Variants in ANO4 observed in about 807,000 individuals in gnomAD.
The protein encoded by ANO4 is anoctamin-4.
Under a neutral mutation model 141.9 loss-of-function variants are expected in ANO4, and 69 were observed. The ratio of observed to expected loss-of-function variants is 0.49; its 90% CI spans 0.40 to 0.59. ANO4 has a LOEUF of 0.59. ANO4 is among the 20% of genes least tolerant of loss of function. The pLI is 0.00. For missense variants in ANO4, 894 were observed against 1,162.2 expected (o/e 0.77, Z 3.36); for synonymous variants, 350 against 394.3 (o/e 0.89, Z 1.33).
At chr12:101,072,758 T>G (rs1163594962) in intron 14 of ANO4, among the ~76,000 whole-genome samples, 1 of 150,588 alleles carries the variant, frequency 6.6e-6, no homozygotes, top group Non-Finnish European at 1.5e-5. Flanking sequence ...AAAAAAAACA[T>G]CAAAAAGTGG....
intron 1 of ANO4, among the ~76,000 whole-genome samples, chr12:100,722,748 G>A (rs566106532): frequency 7.6e-4 from 115 of 152,310 alleles, no homozygotes; most frequent in Admixed American, 1.3e-3. Flanking sequence ...CAGTACTTGG[G>A]TGTGTGACTG....
chr12:101,094,436 G>C lies in ANO4; in HGVS notation c.1738+144G>C, dbSNP rs193250322. On this transcript the variant is annotated intron_variant, in intron 18 of 27. Coordinates refer to ENST00000392977, the MANE Select transcript of ANO4 (RefSeq NM_001286615.2). ...ACAAGTTTTTTCTTTGCCTTCAACA[G>C]AATAATTTAAATATGTCTAGTAATT... 6.1e-5 allele frequency: 34 copies of C among 556,238 alleles called. No homozygotes were observed. The East Asian group carries it at 1.1e-3, about 18-fold the overall frequency. 34.5% of individuals were successfully genotyped at this position (556,238 alleles called of 1,614,324 possible).
intron 9 of ANO4, among the ~76,000 whole-genome samples, chr12:101,034,315 G>A (rs950738967): frequency 6.6e-6 from 1 of 152,080 alleles, no homozygotes; most frequent in Non-Finnish European, 1.5e-5. Context: ...TCCATAAAAA[G>A]GAATGAGATT....
At chr12:100,729,880 C>A (rs1216065447) in intron 1 of ANO4, among the ~76,000 whole-genome samples, 2 of 152,212 alleles carry the variant, frequency 1.3e-5, no homozygotes, top group African/African-American at 2.4e-5. Flanking sequence ...AGGCTTGATT[C>A]AAATTGCCAT....
chr12:100,899,415 A>G (rs1018964590), intron 1 of ANO4, among the ~76,000 whole-genome samples: 1 of 152,234 alleles, frequency 6.6e-6, no homozygotes, highest in African/African-American at 2.4e-5. Flanking sequence ...TCCATAGGTT[A>G]TCCGGTGAGC....
intron 17 of ANO4, among the ~76,000 whole-genome samples, chr12:101,091,981 A>G (rs1394617662): frequency 6.6e-6 from 1 of 152,122 alleles, no homozygotes; most frequent in Non-Finnish European, 1.5e-5. Flanking sequence ...AAAAATAAAT[A>G]TTTCAAAGAT....
At chr12:101,010,562 G>C (rs1050144433) in intron 8 of ANO4, among the ~76,000 whole-genome samples, 2 of 152,084 alleles carry the variant, frequency 1.3e-5, no homozygotes, top group Admixed American at 6.6e-5. Flanking sequence ...AGTTGCCTAA[G>C]GCCCAGAAAA....
intron 26 of ANO4, among the ~76,000 whole-genome samples, chr12:101,123,298 CTTG>C (rs1013854289): frequency 9.2e-5 from 14 of 152,162 alleles, no homozygotes; most frequent in South Asian, 2.1e-4. Context: ...GACAAAACTT[CTTG>C]TTGTTTGTTT....
At chr12:101,092,216 A>G (rs1014966160) in intron 17 of ANO4, among the ~76,000 whole-genome samples, 1 of 151,928 alleles carries the variant, frequency 6.6e-6, no homozygotes, top group Non-Finnish European at 1.5e-5. Context: ...AACACATCTC[A>G]TCTTCCAAAA....
intron 3 of ANO4, among the ~76,000 whole-genome samples, chr12:100,934,622 G>C (rs553294215): frequency 6.6e-6 from 1 of 151,960 alleles, no homozygotes; most frequent in African/African-American, 2.4e-5. Flanking sequence ...TTCCAATTCT[G>C]TGAAGAAAGT....
intron 2 of ANO4, 34 bp from the exon 3 acceptor site, chr12:100,922,192 G>T (rs1265176241): frequency 6.8e-7 from 1 of 1,480,374 alleles, no homozygotes; most frequent in Non-Finnish European, 9.0e-7. Context: ...CTGATAACCA[G>T]TGCAAACTCC....
In ANO4 at chr12:101,059,109, A is replaced by G. The variant is rs912939135; in HGVS notation, c.1312+10708A>G. ...TTTATCGAAGGCCTTTTCTGTATCT[A>G]TTGAGATAATCATGTGGCTTTTGTC... On this transcript the variant is annotated intron_variant, in intron 14 of 27. Transcript: ENST00000392977. 2.6e-5 allele frequency among the ~76,000 whole-genome samples: 4 copies of G among 152,176 alleles called. 1 individual carries two copies. In the South Asian group the frequency reaches 8.3e-4, roughly 31 times the overall value.
chr12:100,924,789 G>A (rs1275710980), intron 3 of ANO4, among the ~76,000 whole-genome samples: 2 of 152,012 alleles, frequency 1.3e-5, no homozygotes, highest in Admixed American at 1.3e-4. Flanking sequence ...GCAAGTGCTA[G>A]AGGTGAACTT....
At chr12:100,907,501 T>C (rs942981063) in intron 2 of ANO4, among the ~76,000 whole-genome samples, 3 of 152,220 alleles carry the variant, frequency 2.0e-5, no homozygotes, top group African/African-American at 7.2e-5. Context: ...TATGGTCTTA[T>C]AGTTCTCCCA....
intron 5 of ANO4, among the ~76,000 whole-genome samples, chr12:100,970,672 T>C (rs61217550): frequency 3.6e-4 from 15 of 41,396 alleles, no homozygotes; most frequent in South Asian, 1.5e-3. Flanking sequence ...TCTCCTTCCT[T>C]CCTTCCTTCC....
chr12:100,954,547 G>C (rs1333093555), intron 5 of ANO4, among the ~76,000 whole-genome samples: 1 of 152,144 alleles, frequency 6.6e-6, no homozygotes, highest in East Asian at 1.9e-4. Context: ...TCTGGTCGCA[G>C]CTTCTCAGCA....
intron 15 of ANO4, among the ~76,000 whole-genome samples, chr12:101,080,932 T>C (rs967299069): frequency 2.4e-5 from 3 of 127,222 alleles, no homozygotes; most frequent in Admixed American, 8.6e-5. Flanking sequence ...TAAATAGATT[T>C]TCTTCAAGTG....
intron 5 of ANO4, among the ~76,000 whole-genome samples, chr12:100,950,860 T>G (rs758530165): frequency 2.6e-5 from 4 of 152,182 alleles, no homozygotes; most frequent in Non-Finnish European, 4.4e-5. Context: ...GCCAAATCTG[T>G]GGTATTCAGA....
At chr12:100,964,613 G>A (rs2043571024) in intron 5 of ANO4, among the ~76,000 whole-genome samples, 2 of 152,144 alleles carry the variant, frequency 1.3e-5, no homozygotes, top group East Asian at 3.8e-4. Flanking sequence ...AGGGGATACA[G>A]AGCAGATGCA....
Sources: gnomAD v4.1 joint callset for allele counts (sites outside exome capture counted in the v4.1 genomes callset) on GRCh38, gnomAD v4.1.1 for gene constraint, MANE v1.5 for transcripts, NCBI Gene and HGNC (gene_info 2026-07-23, HGNC 2026-07-21) for gene names.